GUCY1A2: variants seen among roughly 807,000 people sequenced by gnomAD.
The protein encoded by GUCY1A2 is guanylate cyclase soluble subunit alpha-2.
In GUCY1A2, 27 loss-of-function variants were observed where a neutral mutation model predicts 63.5. The ratio of observed to expected loss-of-function variants is 0.43; its 90% confidence interval spans 0.31 to 0.59. GUCY1A2 has a LOEUF of 0.59. GUCY1A2 is among the 20% of genes least tolerant of loss of function. The pLI, the probability that GUCY1A2 is intolerant of heterozygous loss-of-function variation, is 0.11. For synonymous variants in GUCY1A2, 364 were observed against 343.5 expected (o/e 1.06, Z -0.66); for missense variants, 768 against 913.3 (o/e 0.84, Z 2.05).
intron 3 of GUCY1A2, among the ~76,000 whole-genome samples, chr11:106,964,892 A>G (rs1318313911): frequency 6.6e-6 from 1 of 152,148 alleles, no homozygotes; most frequent in Non-Finnish European, 1.5e-5. Flanking sequence ...AGGTAGGAGA[A>G]TGGCATGAAC....
chr11:106,799,082 A>G (rs375752211), intron 5 of GUCY1A2, among the ~76,000 whole-genome samples: 12,638 of 152,222 alleles, frequency 0.083, 613 homozygotes, highest in African/African-American at 0.14. Context: ...ATACAAAATC[A>G]ATGTGCAAAA....
At chr11:106,779,869 C>T (rs1053562184) in intron 5 of GUCY1A2, among the ~76,000 whole-genome samples, 1 of 152,134 alleles carries the variant, frequency 6.6e-6, no homozygotes, top group Non-Finnish European at 1.5e-5. Flanking sequence ...ATTCATATTA[C>T]AATCCGTACA....
intron 4 of GUCY1A2, among the ~76,000 whole-genome samples, chr11:106,874,767 G>T (rs1041314442): frequency 6.8e-6 from 1 of 147,164 alleles, no homozygotes; most frequent in African/African-American, 2.5e-5. Flanking sequence ...GCCACTAAAA[G>T]AAAAAAAAAC....
chr11:106,786,728 C>T (rs533308235), intron 5 of GUCY1A2, among the ~76,000 whole-genome samples: 53 of 151,436 alleles, frequency 3.5e-4, no homozygotes, highest in African/African-American at 1.3e-3. Context: ...CACTAGGGCT[C>T]CAGTTTCCCA....
intron 6 of GUCY1A2, among the ~76,000 whole-genome samples, chr11:106,741,935 A>T (rs1863701722): frequency 6.6e-6 from 1 of 152,234 alleles, no homozygotes; most frequent in Non-Finnish European, 1.5e-5. Flanking sequence ...AGCTAGACAG[A>T]TAAAACTGAA....
chr11:106,872,091 C>T (rs935427174), intron 4 of GUCY1A2, among the ~76,000 whole-genome samples: 4 of 152,050 alleles, frequency 2.6e-5, no homozygotes, highest in Non-Finnish European at 2.9e-5. Flanking sequence ...GTTGATAACA[C>T]AGAGAAAGAG....
At chr11:106,942,943 A>G (rs965269533) in intron 3 of GUCY1A2, among the ~76,000 whole-genome samples, 17 of 151,332 alleles carry the variant, frequency 1.1e-4, no homozygotes, top group African/African-American at 4.1e-4. Context: ...TTGTATTACT[A>G]AAAAAAAATG....
intron 5 of GUCY1A2, among the ~76,000 whole-genome samples, chr11:106,777,674 C>T (rs77814656): frequency 0.045 from 2,883 of 64,774 alleles, 120 homozygotes; most frequent in East Asian, 0.24. Flanking sequence ...ATGCTGGGGC[C>T]TGTCGGGGGG....
At chr11:106,843,773 A>G (rs1263932749) in intron 4 of GUCY1A2, among the ~76,000 whole-genome samples, 2 of 151,894 alleles carry the variant, frequency 1.3e-5, no homozygotes, top group African/African-American at 4.8e-5. Context: ...TCCTGACACA[A>G]TACTAATTAT....
chr11:106,892,551 C>T (rs901464766), intron 4 of GUCY1A2, among the ~76,000 whole-genome samples: 3 of 152,170 alleles, frequency 2.0e-5, no homozygotes, highest in Non-Finnish European at 2.9e-5. Flanking sequence ...TTTGTTCTTA[C>T]AACTTATATC....
At chr11:106,868,877 C>T (rs1167724777) in intron 4 of GUCY1A2, among the ~76,000 whole-genome samples, 1 of 152,132 alleles carries the variant, frequency 6.6e-6, no homozygotes. Context: ...CTACAGTAAC[C>T]AAAACAGCAT....
chr11:106,786,749 C>A lies in GUCY1A2; in HGVS notation c.1693-10167G>T, dbSNP rs181229906. On this transcript the variant is annotated intron_variant, in intron 5 of 7. Transcript: ENST00000526355. ...GGCTCCAGTTTCCCAGGTTCATCCA[C>A]CTCTACCACTGTAATTGACTCCATG... is the stretch of plus-strand genomic sequence containing the variant. Among the ~76,000 whole-genome samples the A allele has an allele frequency of 1.5e-3, 235 of 152,272 alleles. 1 individual carries two copies. The highest frequency in any genetic ancestry group is 5.4e-3 in the African/African-American group (225 of 41,560).
At chr11:106,713,934 A>G (rs1370008509) in intron 6 of GUCY1A2, among the ~76,000 whole-genome samples, 2 of 152,022 alleles carry the variant, frequency 1.3e-5, no homozygotes, top group East Asian at 3.9e-4. Context: ...TTGAGATTCT[A>G]ATTACTACAG....
chr11:106,861,700 C>A (rs1166382816), intron 4 of GUCY1A2, among the ~76,000 whole-genome samples: 1 of 151,876 alleles, frequency 6.6e-6, no homozygotes, highest in Non-Finnish European at 1.5e-5. Context: ...CTCAAGCTTA[C>A]AATATGGTAA....
At chr11:107,016,894 C>T (rs144006010) in intron 1 of GUCY1A2, among the ~76,000 whole-genome samples, 2,057 of 152,178 alleles carry the variant, frequency 0.014, 30 homozygotes, top group South Asian at 0.044. Flanking sequence ...GCAAGAAGTA[C>T]AGAGCGGTTT....
intron 1 of GUCY1A2, among the ~76,000 whole-genome samples, chr11:107,011,714 T>C (rs138112096): frequency 6.7e-6 from 1 of 148,282 alleles, no homozygotes; most frequent in Non-Finnish European, 1.5e-5. Context: ...ATTGACAAAA[T>C]GTAACTTTAA....
chr11:106,884,789 G>C (rs1859876442), intron 4 of GUCY1A2, among the ~76,000 whole-genome samples: 1 of 152,026 alleles, frequency 6.6e-6, no homozygotes, highest in South Asian at 2.1e-4. Flanking sequence ...AACAAAAAAA[G>C]ACACTTCATA....
At chr11:107,011,312 A>T (rs868421738) in intron 1 of GUCY1A2, among the ~76,000 whole-genome samples, 4 of 151,912 alleles carry the variant, frequency 2.6e-5, no homozygotes, top group Middle Eastern at 3.2e-3. Context: ...TATCATATTC[A>T]ATAAAATATT....
At chr11:106,997,836 A>C (rs570327308) in intron 1 of GUCY1A2, among the ~76,000 whole-genome samples, 7 of 152,176 alleles carry the variant, frequency 4.6e-5, no homozygotes, top group Non-Finnish European at 8.8e-5. Flanking sequence ...TCCTGGGTGA[A>C]TCTAAGTGGG....
Sources: allele counts gnomAD v4.1 joint callset (sites outside exome capture counted in the v4.1 genomes callset), GRCh38; gene constraint gnomAD v4.1.1; transcripts MANE v1.5; gene names NCBI Gene and HGNC (gene_info 2026-07-23, HGNC 2026-07-21).